Variants in ANO2 observed in about 807,000 individuals in gnomAD.
ANO2 encodes anoctamin-2.
A neutral mutation model predicts 124.2 loss-of-function variants in ANO2; 101 were observed. That is an observed-to-expected ratio of 0.81 (90% CI 0.69 to 0.96). ANO2 has a LOEUF of 0.96. Ranked by LOEUF, ANO2 falls within the 40% of genes least tolerant of loss-of-function variation. The probability of loss-of-function intolerance (pLI) is 0.00; values close to 1 mark genes in which losing one functional copy is unlikely to be tolerated. For missense variants in ANO2, 1,293 were observed against 1,274.5 expected (o/e 1.01, Z -0.22); for synonymous variants, 486 against 482.5 (o/e 1.01, Z -0.09).
chr12:5,795,786 G>A (rs1196462989), intron 10 of ANO2, among the ~76,000 whole-genome samples: 1 of 152,028 alleles, frequency 6.6e-6, no homozygotes, highest in African/African-American at 2.4e-5. Context: ...GACTAGTATT[G>A]GGTCAGACCT....
intron 4 of ANO2, among the ~76,000 whole-genome samples, chr12:5,849,464 C>T (rs533657998): frequency 6.6e-6 from 1 of 152,356 alleles, no homozygotes; most frequent in Non-Finnish European, 1.5e-5. Context: ...TAAGAAAGCA[C>T]CTGCTTCCAT....
intron 4 of ANO2, among the ~76,000 whole-genome samples, chr12:5,843,140 A>T (rs1954573354): frequency 6.6e-6 from 1 of 152,224 alleles, no homozygotes; most frequent in Admixed American, 6.5e-5. Flanking sequence ...GTTCTAGCTC[A>T]TTTAAAAAGT....
In ANO2 at chr12:5,904,776, C is replaced by T. The variant is rs746849330; in HGVS notation, c.534+16264G>A. Among the ~76,000 whole-genome samples the T allele has an allele frequency of 6.6e-6, 1 of 152,180 alleles. No individual in the cohort carries two copies. Among genetic ancestry groups the T allele is most frequent in the Admixed American group, 6.5e-5 (1 of 15,288 alleles). ...CCCATACACCTGTCTCAGGGGCAGT[C>T]CTGAGCAGACTGATTCTCACCACAA... is the stretch of plus-strand genomic sequence containing the variant. On this transcript the variant is annotated intron_variant, in intron 3 of 24. Transcript: ENST00000682330. This position sits in a 1 kb window ranked among gnomAD's most constrained non-coding sequence, Gnocchi z 4.1.
chr12:5,671,337 C>T (rs1400293058), intron 14 of ANO2, among the ~76,000 whole-genome samples: 2 of 152,206 alleles, frequency 1.3e-5, no homozygotes, highest in South Asian at 2.1e-4. Flanking sequence ...CAGCAACCTC[C>T]TCCAACCCAT....
chr12:5,589,456 C>T (rs1460202969), intron 20 of ANO2, among the ~76,000 whole-genome samples: 2 of 152,116 alleles, frequency 1.3e-5, no homozygotes, highest in African/African-American at 4.8e-5. Context: ...GACCACGGCT[C>T]AGCATCACTA....
intron 10 of ANO2, among the ~76,000 whole-genome samples, chr12:5,764,016 T>C (rs1235861989): frequency 6.6e-5 from 10 of 152,216 alleles, no homozygotes; most frequent in Non-Finnish European, 2.9e-5. Flanking sequence ...TAGTTATCTT[T>C]TCATGGGCTC....
chr12:5,709,559 G>A lies in ANO2; in HGVS notation c.1545+22961C>T, dbSNP rs147652830. Among the ~76,000 whole-genome samples the A allele has an allele frequency of 6.3e-3, 962 of 152,294 alleles. 8 individuals carry two copies. The highest frequency in any genetic ancestry group is 8.8e-3 in the Non-Finnish European group (596 of 68,032). On this transcript the variant is annotated intron_variant, in intron 14 of 24. Coordinates refer to ENST00000682330, the MANE Select transcript of ANO2 (RefSeq NM_001364791.2). ...CAGGTTCCATTTGCCCCTGGGCTTGGTACCAACCAGAGGCCTTCCAGGTAA... is the reference window on the plus strand; with the variant it reads ...CAGGTTCCATTTGCCCCTGGGCTTGATACCAACCAGAGGCCTTCCAGGTAA...
intron 11 of ANO2, among the ~76,000 whole-genome samples, chr12:5,748,790 G>A (rs1475104413): frequency 6.9e-6 from 1 of 145,838 alleles, no homozygotes; most frequent in Non-Finnish European, 1.5e-5. Context: ...TGTGATAAAG[G>A]ACCCAGAACT....
intron 19 of ANO2, among the ~76,000 whole-genome samples, chr12:5,601,957 G>A (rs1943961386): frequency 6.6e-6 from 1 of 152,156 alleles, no homozygotes; most frequent in African/African-American, 2.4e-5. Flanking sequence ...TCAGGAGTTG[G>A]AGGCACCAGG....
At position 5,635,263 on chromosome 12, in the gene ANO2, G is replaced by A. The variant is rs756083891; in HGVS notation, c.1705C>T (p.Arg569Cys). ...AAALSLNKAT[R>C]SNVRVTVTAT... is the part of the protein sequence containing the mutation. Reference sequence around the variant, plus strand: ...GTCACTGTCACCCGGACATTGGAGCGTGTAGCCTTATTGAGAGACAGAGCG... The same window carrying A: ...GTCACTGTCACCCGGACATTGGAGCATGTAGCCTTATTGAGAGACAGAGCG... The change falls in exon 16 of 25, where the codon CGC (arginine) becomes TGC (cysteine). Residue 569 changes from arginine (R) to cysteine (C), a missense_variant. Arg to Cys is a radical substitution (Grantham distance 180). Coordinates refer to ENST00000682330, the MANE Select transcript of ANO2 (RefSeq NM_001364791.2). This position sits in a 1 kb window ranked among gnomAD's most constrained non-coding sequence, Gnocchi z 5.2. 29 of 1,612,352 alleles carry A rather than the reference G, an allele frequency of 1.8e-5. No individual in the cohort carries two copies. Among genetic ancestry groups the A allele is most frequent in the South Asian group, 3.3e-5 (3 of 90,860 alleles).
chr12:5,832,635 G>C (rs1954193051), intron 4 of ANO2, 32 bp from the exon 5 acceptor site: 1 of 1,589,032 alleles, frequency 6.3e-7, no homozygotes, highest in Non-Finnish European at 8.6e-7. Flanking sequence ...GTCTGAAAAG[G>C]GGGCCACTTC....
intron 1 of ANO2, among the ~76,000 whole-genome samples, chr12:5,923,078 A>G (rs113855573): frequency 0.14 from 3,027 of 21,800 alleles, 579 homozygotes; most frequent in African/African-American, 0.32. Context: ...ACACATGCAC[A>G]CATACACACA....
At chr12:5,808,002 T>C (rs1565684157) in intron 7 of ANO2, among the ~76,000 whole-genome samples, 1 of 152,166 alleles carries the variant, frequency 6.6e-6, no homozygotes, top group Non-Finnish European at 1.5e-5. Flanking sequence ...CATAGTGGGG[T>C]GTTGTGGCAC....
intron 10 of ANO2, among the ~76,000 whole-genome samples, chr12:5,791,149 C>T (rs909228287): frequency 1.3e-5 from 2 of 152,190 alleles, no homozygotes; most frequent in East Asian, 1.9e-4. Context: ...AAGCGTCTTA[C>T]TTTGCACACA....
intron 15 of ANO2, among the ~76,000 whole-genome samples, chr12:5,646,832 A>C (rs1423441256): frequency 1.3e-5 from 2 of 152,208 alleles, no homozygotes; most frequent in African/African-American, 4.8e-5. Flanking sequence ...TCACCTTTTA[A>C]ATTTCTGAGA....
chr12:5,819,330 T>C (rs1247621229), intron 7 of ANO2, among the ~76,000 whole-genome samples: 1 of 152,184 alleles, frequency 6.6e-6, no homozygotes, highest in Non-Finnish European at 1.5e-5. Context: ...TTCTAATTTA[T>C]ATAAACAGAA....
At chr12:5,683,920 T>C (rs577900035) in intron 14 of ANO2, among the ~76,000 whole-genome samples, 1 of 152,092 alleles carries the variant, frequency 6.6e-6, no homozygotes, top group East Asian at 1.9e-4. Context: ...TTGTCTCCCC[T>C]CCTACTTTCA....
At chr12:5,700,850 C>A (rs1403662592) in intron 14 of ANO2, among the ~76,000 whole-genome samples, 5 of 152,162 alleles carry the variant, frequency 3.3e-5, no homozygotes, top group Non-Finnish European at 7.4e-5. Flanking sequence ...TTGATCCTTA[C>A]CTGACTTACT....
At chr12:5,595,107 T>C (rs189500538) in intron 20 of ANO2, among the ~76,000 whole-genome samples, 8 of 152,384 alleles carry the variant, frequency 5.2e-5, no homozygotes, top group African/African-American at 1.2e-4. Flanking sequence ...TAGAGTTAAC[T>C]CTGTCAAGAA....
Sources: allele counts gnomAD v4.1 joint callset (sites outside exome capture counted in the v4.1 genomes callset), GRCh38; gene constraint gnomAD v4.1.1; non-coding constraint Gnocchi (gnomAD v3.1); transcripts MANE v1.5; gene names NCBI Gene and HGNC (gene_info 2026-07-23, HGNC 2026-07-21).